The following ATG9A variants were observed in gnomAD, a reference collection of about 807,000 sequenced individuals.
ATG9A encodes the protein autophagy related 9A, also known as autophagy-related protein 9A.
Under a neutral mutation model 87.1 loss-of-function variants are expected in ATG9A, and 21 were observed. The observed-to-expected ratio is 0.24, with a 90% CI of 0.17 to 0.35. The LOEUF is 0.35. Among genes scored for constraint, ATG9A ranks in the 10% least tolerant of loss-of-function variants. ATG9A has a pLI of 1.00. For synonymous variants in ATG9A, 422 were observed against 441.3 expected (o/e 0.96, Z 0.55); for missense variants, 836 against 1,107.3 (o/e 0.76, Z 3.48).
In ATG9A at chr2:219,228,037, CT is replaced by C. The variant is rs746265837; in HGVS notation, c.-14del. 276 of 1,608,180 alleles carry C rather than the reference CT, an allele frequency of 1.7e-4. No homozygotes were observed. Among genetic ancestry groups the C allele is most frequent in the Non-Finnish European group, 4.8e-5 (56 of 1,175,854 alleles). On this transcript the variant is annotated 5_prime_UTR_variant, in exon 3 of 16. Transcript: ENST00000361242. ...CAAACTGCGCCATCACCACCGCCCCCTGTCCACCTTGACCACCTGCCAATAA... is the reference window on the plus strand; with the variant it reads ...CAAACTGCGCCATCACCACCGCCCCCGTCCACCTTGACCACCTGCCAATAA...
rs537149923 is a variant in ATG9A at position 219,221,122 on chromosome 2, C to T, written c.2326G>A (p.Ala776Thr). The T allele has an allele frequency of 2.0e-5, 33 of 1,612,424 alleles. No homozygotes were observed. The highest frequency in any genetic ancestry group is 1.2e-4 in the South Asian group (11 of 90,890). ...CGCCTCTGGAAGCCCCCATGCAGGG[C>T]AGTGGTCTCAGGAGCTCCAGGCCGG... ...APRPGAPETT[A>T]LHGGFQRRYG... Residue 776 changes from alanine to threonine, a missense_variant, in exon 14 of 16, where the codon GCC becomes ACC. This residue lies in a region of ATG9A where 324 missense variants were observed against 347.6 expected (regional missense o/e 0.93). Coordinates refer to ENST00000361242, the MANE Select transcript of ATG9A (RefSeq NM_001077198.3).
Position 219,222,822 on chromosome 2 carries a change from G to C in ATG9A, c.1671C>G (p.Leu557=). The C allele has an allele frequency of 6.2e-7, 1 of 1,614,208 alleles. No homozygotes were observed. Among genetic ancestry groups the C allele is most frequent in the Non-Finnish European group, 8.5e-7 (1 of 1,180,042 alleles). ...CAGGGTTGGTGATGGCAAAGTGCAT[G>C]AGTGACAACTCTGTCTTTCCATCCT... The part of the protein sequence containing the change: ...QAEDGKTELS[L]MHFAITNPGW... Residue 557 remains leucine (L), a synonymous_variant, in exon 11 of 16, where the codon CTC becomes CTG. Transcript: ENST00000361242. This position sits in a 1 kb window ranked among gnomAD's most constrained non-coding sequence, Gnocchi z 4.3.
At chr2:219,225,361 C>T (rs1453799505) in intron 6 of ATG9A, 50 bp downstream of exon 6, 1 of 1,603,372 alleles carries the variant, frequency 6.2e-7, no homozygotes, top group Admixed American at 1.7e-5. Context: ...TATTACCCAC[C>T]TGCTAGCAGA....
At chr2:219,228,873 C>T (rs1380204605) in intron 1 of ATG9A, 2 of 152,306 alleles carry the variant, frequency 1.3e-5, no homozygotes, top group African/African-American at 4.8e-5. Context: ...TCTTACTTCC[C>T]TAGCACCAAA....
In ATG9A at chr2:219,225,017, C is replaced by T. The variant is rs1950833316; in HGVS notation, c.516+54G>A. The T allele has an allele frequency of 4.4e-6, 7 of 1,606,416 alleles. No individual in the cohort carries two copies. The South Asian group carries it at 4.4e-5, about 10-fold the overall frequency. ...TAACTGATGCCCAGGAATACACCCA[C>T]ACCTCCCAATACGTCTTAGACTATG... On this transcript the variant is annotated intron_variant, in intron 7 of 15. Coordinates refer to ENST00000361242, the MANE Select transcript of ATG9A (RefSeq NM_001077198.3).
chr2:219,223,087 CTTTT>C lies in ATG9A; in HGVS notation c.1600-198_1600-195del, dbSNP rs34309756. On this transcript the variant is annotated intron_variant, in intron 10 of 15. Coordinates refer to ENST00000361242, the MANE Select transcript of ATG9A (RefSeq NM_001077198.3). The surrounding 1 kb of genome is among the most constrained non-coding windows in gnomAD (Gnocchi z 4.7). ...GCTGAGCCAGTTACTTGTGTTGTGC[CTTTT>C]TTTTTTTTTTTTTTGAGATGGAGTC... Among the ~76,000 whole-genome samples, 2 of 134,844 alleles carry C rather than the reference CTTTT, an allele frequency of 1.5e-5. No individual in the cohort carries two copies. The highest frequency in any genetic ancestry group is 2.8e-5 in the African/African-American group (1 of 35,794). The allele number at this position is 134,844 out of a possible 152,430, so 88.5% of individuals were successfully genotyped here.
At position 219,220,464 on chromosome 2, in the gene ATG9A, A is replaced by G. The variant is rs756659338; in HGVS notation, c.2515-12T>C. On this transcript the variant is annotated splice_polypyrimidine_tract_variant and intron_variant, in intron 15 of 15. Transcript: ENST00000361242. ...AGCCTTGTCTATACCTGTGGGGAGA[A>G]AGGGTTGGTAATGGAGATAGTCTTC... is the stretch of plus-strand genomic sequence containing the variant. 6.9e-5 allele frequency: 112 copies of G among 1,613,626 alleles called. No individual in the cohort carries two copies. The highest frequency in any genetic ancestry group is 8.8e-5 in the Non-Finnish European group (104 of 1,179,734).
Position 219,222,635 on chromosome 2 carries a change from AG to A in ATG9A, c.1848+9del, listed in dbSNP as rs1670450896. On this transcript the variant is annotated intron_variant, in intron 11 of 15. Coordinates refer to ENST00000361242, the MANE Select transcript of ATG9A (RefSeq NM_001077198.3). This position sits in a 1 kb window ranked among gnomAD's most constrained non-coding sequence, Gnocchi z 4.3. ...CTCTGCCCATCATCTCCCAGTCACCAGGAACACACCTCAGACTCAGATTGTA... is the reference window on the plus strand; with the variant it reads ...CTCTGCCCATCATCTCCCAGTCACCAGAACACACCTCAGACTCAGATTGTA... 4 of 1,613,180 alleles carry A rather than the reference AG, an allele frequency of 2.5e-6. No homozygotes were observed. The highest frequency in any genetic ancestry group is 3.4e-6 in the Non-Finnish European group (4 of 1,179,184).
At position 219,224,147 on chromosome 2, in the gene ATG9A, C is replaced by A; in HGVS notation, c.1224G>T (p.Leu408=). 6.2e-7 allele frequency: 1 copy of A among 1,613,728 alleles called. No homozygotes were observed. Among genetic ancestry groups the A allele is most frequent in the South Asian group, 1.1e-5 (1 of 91,034 alleles). The change falls in exon 8 of 16, where the codon CTG becomes CTT. Residue 408 remains leucine (L), a synonymous_variant. Transcript: ENST00000361242. This position sits in a 1 kb window ranked among gnomAD's most constrained non-coding sequence, Gnocchi z 7.7. ...TGACCCCCAGGAGTGTGACGGTGGT[C>A]AGCACATGTTCCACAGCCAACACAT... ...DEDVLAVEHV[L]TTVTLLGVTV...
chr2:219,225,232 G>A lies in ATG9A; in HGVS notation c.375-20C>T, dbSNP rs1950837217. 1 of 1,613,910 alleles carries A rather than the reference G, an allele frequency of 6.2e-7. No individual in the cohort carries two copies. Among genetic ancestry groups the A allele is most frequent in the African/African-American group, 1.3e-5 (1 of 75,040 alleles). ...TGAATCCTGGTGGGGAAAAAGAAGG[G>A]GAGGAGAGGTGGCCCTCGAGGAAGG... On this transcript the variant is annotated intron_variant, in intron 6 of 15. Coordinates refer to ENST00000361242, the MANE Select transcript of ATG9A (RefSeq NM_001077198.3).
chr2:219,222,988 G>A lies in ATG9A; in HGVS notation c.1600-95C>T, dbSNP rs1050086886. The A allele has an allele frequency of 4.0e-6, 6 of 1,497,886 alleles. No individual in the cohort carries two copies. The highest frequency in any genetic ancestry group is 2.3e-5 in the East Asian group (1 of 43,230). The allele number at this position is 1,497,886 out of a possible 1,614,324, so 92.8% of individuals were successfully genotyped here. On this transcript the variant is annotated intron_variant, in intron 10 of 15. Coordinates refer to ENST00000361242, the MANE Select transcript of ATG9A (RefSeq NM_001077198.3). This position sits in a 1 kb window ranked among gnomAD's most constrained non-coding sequence, Gnocchi z 4.3. ...TGGGGAGGCCTTACCCTTGGAGAAC[G>A]GAGACCACAGTATACTGTCAATCTT...
rs1368707177 is a variant in ATG9A at position 219,223,083 on chromosome 2, G to A, written c.1600-190C>T. On this transcript the variant is annotated intron_variant, in intron 10 of 15. Coordinates refer to ENST00000361242, the MANE Select transcript of ATG9A (RefSeq NM_001077198.3). The surrounding 1 kb of genome is among the most constrained non-coding windows in gnomAD (Gnocchi z 4.7). The stretch of plus-strand genomic sequence containing the variant: ...GCATGCTGAGCCAGTTACTTGTGTT[G>A]TGCCTTTTTTTTTTTTTTTTTTGAG... 6.8e-6 allele frequency among the ~76,000 whole-genome samples: 1 copy of A among 147,498 alleles called. No homozygotes were observed. The highest frequency in any genetic ancestry group is 6.7e-5 in the Admixed American group (1 of 14,844).
At position 219,223,781 on chromosome 2, in the gene ATG9A, A is replaced by C; in HGVS notation, c.1420-17T>G. 1 of 1,613,620 alleles carries C rather than the reference A, an allele frequency of 6.2e-7. No individual in the cohort carries two copies. Among genetic ancestry groups the C allele is most frequent in the Non-Finnish European group, 8.5e-7 (1 of 1,179,800 alleles). On this transcript the variant is annotated splice_polypyrimidine_tract_variant and intron_variant, in intron 9 of 15. Transcript: ENST00000361242. The surrounding 1 kb of genome is among the most constrained non-coding windows in gnomAD (Gnocchi z 4.7). ...AATGAACACCTAAAAGGGCGGGACC[A>C]AGGTCACAAGCGAGCAGGAGGGAGC...
In ATG9A at chr2:219,225,173, A is replaced by C; in HGVS notation, c.414T>G (p.Ile138Met). ...GCCGGTGGATCCAGAAGACACCAGC[A>C]ATGACCAGGATGGTGATAAGGGAGC... The part of the protein sequence containing the change: ...ENGSLITILV[I>M]AGVFWIHRLI... Residue 138 changes from isoleucine to methionine, a missense_variant, in exon 7 of 16, where the codon ATT (isoleucine) becomes ATG (methionine). Coordinates refer to ENST00000361242, the MANE Select transcript of ATG9A (RefSeq NM_001077198.3). 6.2e-7 allele frequency: 1 copy of C among 1,614,234 alleles called. No individual in the cohort carries two copies. Among genetic ancestry groups the C allele is most frequent in the Non-Finnish European group, 8.5e-7 (1 of 1,180,036 alleles).
Position 219,224,390 on chromosome 2 carries a change from C to T in ATG9A, c.981G>A (p.Leu327=), listed in dbSNP as rs1257070974. The T allele has an allele frequency of 1.9e-6, 3 of 1,613,818 alleles. No individual in the cohort carries two copies. The African/African-American group carries it at 4.0e-5, about 22-fold the overall frequency. Residue 327 remains leucine, a synonymous_variant, in exon 8 of 16, where the codon CTG becomes CTA. Transcript: ENST00000361242. This position sits in a 1 kb window ranked among gnomAD's most constrained non-coding sequence, Gnocchi z 7.7. ...CATAGAGTGACCAGCAGCGTGCTCC[C>T]AGGGCCCCCGGCTCCCGCTTCAGCA... is the stretch of plus-strand genomic sequence containing the variant. ...AEVLKREPGA[L]GARCWSLYGR...
At chr2:219,227,689 C>G (rs989655706) in intron 4 of ATG9A, 81 bp downstream of exon 4, 189 of 1,529,156 alleles carry the variant, frequency 1.2e-4, no homozygotes, top group Admixed American at 1.9e-4. Context: ...AGAGTCAAAC[C>G]TACCCCCACC....
In ATG9A at chr2:219,223,891, G is replaced by C; in HGVS notation, c.1397C>G (p.Ala466Gly). The change falls in exon 9 of 16, where the codon GCC becomes GGC. Residue 466 changes from alanine to glycine, a missense_variant. Physicochemically the swap from Ala to Gly is moderately conservative, Grantham distance 60 (BLOSUM62 0). Coordinates refer to ENST00000361242, the MANE Select transcript of ATG9A (RefSeq NM_001077198.3). The surrounding 1 kb of genome is among the most constrained non-coding windows in gnomAD (Gnocchi z 4.7). ...CACTGCCTTGTACTGGAAGAGCTGG[G>C]CAAACTCGTCCCGGGTCTGCGAGCG... is the stretch of plus-strand genomic sequence containing the variant. Reference protein sequence around the residue: ...AHRSQTRDEFAQLFQYKAVFI... With the variant: ...AHRSQTRDEFGQLFQYKAVFI... 1 of 1,614,128 alleles carries C rather than the reference G, an allele frequency of 6.2e-7. No individual in the cohort carries two copies. The highest frequency in any genetic ancestry group is 8.5e-7 in the Non-Finnish European group (1 of 1,180,040).
At position 219,227,737 on chromosome 2, in the gene ATG9A, C is replaced by T. The variant is rs571685906; in HGVS notation, c.147+33G>A. 6.2e-6 allele frequency: 10 copies of T among 1,611,360 alleles called. No individual in the cohort carries two copies. In the African/African-American group the frequency reaches 1.3e-4, roughly 22 times the overall value. ...CCCGGCTTAGAGAGACATTAAAGGT[C>T]CCAGAGCTCCAACTCAGAAACACAA... On this transcript the variant is annotated intron_variant, in intron 4 of 15. Transcript: ENST00000361242.
intron 5 of ATG9A, 114 bp from the exon 6 acceptor site, chr2:219,225,686 TG>T: frequency 1.7e-6 from 2 of 1,194,840 alleles, no homozygotes; most frequent in South Asian, 3.0e-5. Flanking sequence ...TGGAAGGGCC[TG>T]GAGAACTCCC....
Sources: allele counts gnomAD v4.1 joint callset (sites outside exome capture counted in the v4.1 genomes callset), GRCh38; gene constraint gnomAD v4.1.1; regional missense constraint gnomAD v4.1.1; non-coding constraint Gnocchi (gnomAD v3.1); transcripts MANE v1.5; gene names NCBI Gene and HGNC (gene_info 2026-07-23, HGNC 2026-07-21).